Variants in SMURF2 observed in about 807,000 individuals in gnomAD.
SMURF2 encodes SMAD specific E3 ubiquitin protein ligase 2, also known as E3 ubiquitin-protein ligase SMURF2.
Under a neutral mutation model 109.6 loss-of-function variants are expected in SMURF2, and 48 were observed. That is an observed-to-expected ratio of 0.44 (90% confidence interval 0.35 to 0.56). SMURF2 has a LOEUF of 0.56. SMURF2 is among the 20% of genes least tolerant of loss of function. SMURF2 has a pLI of 0.01. For synonymous variants in SMURF2, 288 were observed against 317.1 expected (o/e 0.91, Z 0.97); for missense variants, 575 against 909.0 (o/e 0.63, Z 4.72).
intron 3 of SMURF2, among the ~76,000 whole-genome samples, chr17:64,597,770 C>CAAA (rs369162603): frequency 2.1e-4 from 24 of 112,526 alleles, no homozygotes; most frequent in East Asian, 5.9e-4. Flanking sequence ...AAGACTGTCT[C>CAAA]AAAAAAAAAA....
rs1555686599 is a variant in SMURF2 at position 64,581,991 on chromosome 17, A to T, written c.570-1000T>A. 6.6e-6 allele frequency among the ~76,000 whole-genome samples: 1 copy of T among 152,136 alleles called. No homozygotes were observed. The highest frequency in any genetic ancestry group is 2.4e-5 in the African/African-American group (1 of 41,434). ...AAAAAAAAAAATTAACATTTAAAAC[A>T]ACAATCATCCTTTTATACATGTAGA... On this transcript the variant is annotated intron_variant, in intron 7 of 18. Transcript: ENST00000262435. The surrounding 1 kb of genome is among the most constrained non-coding windows in gnomAD (Gnocchi z 4.3).
chr17:64,625,833 A>C (rs1555691117), intron 1 of SMURF2, among the ~76,000 whole-genome samples: 1 of 152,174 alleles, frequency 6.6e-6, no homozygotes, highest in African/African-American at 2.4e-5. Flanking sequence ...CTTTTAGGGG[A>C]ATGAGATGGT....
chr17:64,546,155 T>A, intron 18 of SMURF2, 108 bp downstream of exon 18: 1 of 1,145,546 alleles, frequency 8.7e-7, no homozygotes, highest in Non-Finnish European at 1.3e-6. Context: ...ATCATTCCCT[T>A]TAAAGGCCCA....
chr17:64,629,549 C>G (rs1970310245), intron 1 of SMURF2, among the ~76,000 whole-genome samples: 1 of 152,108 alleles, frequency 6.6e-6, no homozygotes, highest in South Asian at 2.1e-4. Context: ...CACACCATCC[C>G]CGAAGTCTTT....
intron 8 of SMURF2, among the ~76,000 whole-genome samples, chr17:64,580,535 G>A (rs1969564325): frequency 1.3e-5 from 2 of 152,128 alleles, no homozygotes; most frequent in South Asian, 4.1e-4. Flanking sequence ...CACTACCTTT[G>A]TTATAAACTA....
intron 10 of SMURF2, among the ~76,000 whole-genome samples, chr17:64,566,560 G>GTTTTT (rs1969305308): frequency 2.7e-5 from 1 of 36,430 alleles, no homozygotes; most frequent in Admixed American, 4.6e-4. Context: ...TAAGCTTTCT[G>GTTTTT]GTTTTTTTTT....
chr17:64,653,103 TG>T (rs1250679084), intron 1 of SMURF2, among the ~76,000 whole-genome samples: 1 of 146,228 alleles, frequency 6.8e-6, no homozygotes, highest in Admixed American at 7.0e-5. Context: ...GGACATCTTT[TG>T]GGGGGCGGTG....
rs752247453 is a variant in SMURF2 at position 64,658,217 on chromosome 17, C to T, written c.52+3612G>A. Among the ~76,000 whole-genome samples the T allele has an allele frequency of 3.3e-5, 5 of 151,996 alleles. No individual in the cohort carries two copies. In the South Asian group the frequency reaches 8.3e-4, roughly 25 times the overall value. ...AAAAATACAAAAAAAACCAGCCAGGCGTGGTGGTGGGCGCCTGTAATCCCA... is the reference window on the plus strand; with the variant it reads ...AAAAATACAAAAAAAACCAGCCAGGTGTGGTGGTGGGCGCCTGTAATCCCA... On this transcript the variant is annotated intron_variant, in intron 1 of 18. Transcript: ENST00000262435.
intron 1 of SMURF2, among the ~76,000 whole-genome samples, chr17:64,628,094 A>G (rs1303440523): frequency 2.6e-5 from 4 of 152,168 alleles, no homozygotes; most frequent in Non-Finnish European, 5.9e-5. Flanking sequence ...CCTGGTTTCC[A>G]TCACCTTCTG....
intron 16 of SMURF2, among the ~76,000 whole-genome samples, chr17:64,549,779 A>G (rs1555683444): frequency 6.6e-6 from 1 of 152,164 alleles, no homozygotes; most frequent in East Asian, 1.9e-4. Context: ...AAAAGAAAAA[A>G]GAGAAGAAAA....
intron 15 of SMURF2, among the ~76,000 whole-genome samples, chr17:64,553,247 C>T (rs1243137184): frequency 6.6e-6 from 1 of 152,008 alleles, no homozygotes; most frequent in African/African-American, 2.4e-5. Context: ...TGGCTTACAC[C>T]TGTAATCCCA....
chr17:64,623,397 G>A (rs782213992), intron 1 of SMURF2, among the ~76,000 whole-genome samples: 2 of 152,112 alleles, frequency 1.3e-5, no homozygotes, highest in Admixed American at 6.5e-5. Flanking sequence ...GACTCCAGAA[G>A]GTGGCTCCAG....
At position 64,586,141 on chromosome 17, in the gene SMURF2, T is replaced by C. The variant is rs1969648985; in HGVS notation, c.430A>G (p.Thr144Ala). 6.2e-7 allele frequency: 1 copy of C among 1,609,942 alleles called. No individual in the cohort carries two copies. Residue 144 changes from threonine to alanine, a missense_variant, in exon 6 of 19, where the codon ACA (threonine) becomes GCA (alanine). Coordinates refer to ENST00000262435, the MANE Select transcript of SMURF2 (RefSeq NM_022739.4). ...CTGCAGTCCACAACTTGTCCTCCTG[T>C]GCCTATTCGGTCTCTGGACTGAAGA... is the stretch of plus-strand genomic sequence containing the variant. ...VSLQSRDRIG[T>A]GGQVVDCSRL...
chr17:64,641,361 A>C (rs996090423), intron 1 of SMURF2, among the ~76,000 whole-genome samples: 1 of 152,198 alleles, frequency 6.6e-6, no homozygotes, highest in African/African-American at 2.4e-5. Flanking sequence ...CCCAAAAAAA[A>C]CAAAAAGTAG....
chr17:64,557,757 T>C (rs1969145074), intron 12 of SMURF2, 35 bp from the exon 13 acceptor site: 2 of 1,203,292 alleles, frequency 1.7e-6, no homozygotes, highest in African/African-American at 3.0e-5. Flanking sequence ...AATTTTTTTG[T>C]TAATGTATAC....
intron 1 of SMURF2, among the ~76,000 whole-genome samples, chr17:64,613,835 T>C (rs994287059): frequency 2.0e-5 from 3 of 151,648 alleles, no homozygotes; most frequent in Non-Finnish European, 4.4e-5. Context: ...TATTATTACA[T>C]TGTAATATAT....
chr17:64,650,383 G>A (rs1040093548), intron 1 of SMURF2, among the ~76,000 whole-genome samples: 12 of 150,746 alleles, frequency 8.0e-5, no homozygotes, highest in Non-Finnish European at 1.5e-4. Context: ...TGGTTTTAAC[G>A]CTGTCATTTT....
chr17:64,643,967 A>T (rs1225404382), intron 1 of SMURF2, among the ~76,000 whole-genome samples: 1 of 151,888 alleles, frequency 6.6e-6, no homozygotes, highest in Non-Finnish European at 1.5e-5. Flanking sequence ...GCTGGATTAT[A>T]GGTGCGCGCC....
At chr17:64,578,354 T>A in intron 9 of SMURF2, 138 bp downstream of exon 9, 1 of 627,798 alleles carries the variant, frequency 1.6e-6, no homozygotes, top group East Asian at 2.8e-5. Flanking sequence ...TACTAAACGT[T>A]AAAACTGAAG....
Sources: allele counts gnomAD v4.1 joint callset (sites outside exome capture counted in the v4.1 genomes callset), GRCh38; gene constraint gnomAD v4.1.1; non-coding constraint Gnocchi (gnomAD v3.1); transcripts MANE v1.5; gene names NCBI Gene and HGNC (gene_info 2026-07-23, HGNC 2026-07-21).